The following TBC1D8 variants were observed in gnomAD, a reference collection of about 807,000 sequenced individuals.
The protein encoded by TBC1D8 is TBC1 domain family member 8, also known as BUB2-like protein 1.
TBC1D8 carries 65 observed loss-of-function variants against 118.8 expected under a neutral mutation model. The observed-to-expected ratio is 0.55, with a 90% CI of 0.45 to 0.67. TBC1D8 has a LOEUF of 0.67. TBC1D8 is among the 30% of genes least tolerant of loss of function. The probability of loss-of-function intolerance (pLI) is 0.00; values close to 1 mark genes in which losing one functional copy is unlikely to be tolerated. For missense variants in TBC1D8, 1,376 were observed against 1,471.2 expected (o/e 0.94, Z 1.06); for synonymous variants, 566 against 595.8 (o/e 0.95, Z 0.73).
At chr2:101,134,635 C>A (rs1678759480) in intron 1 of TBC1D8, among the ~76,000 whole-genome samples, 1 of 152,132 alleles carries the variant, frequency 6.6e-6, no homozygotes, top group South Asian at 2.1e-4. Context: ...GTGACTGTCC[C>A]TCTTCTTATA....
rs181203397 is a variant in TBC1D8, at chr2:101,099,295, C to A, written c.128-8931G>T. ...TAAATTTCTGGACGCATACCATCTA[C>A]CAAGACTAAACCAGGAAGAAGTCGA... On this transcript the variant is annotated intron_variant, in intron 1 of 19. Transcript: ENST00000409318. Among the ~76,000 whole-genome samples the A allele has an allele frequency of 6.6e-5, 10 of 152,280 alleles. No individual in the cohort carries two copies. In the East Asian group the frequency reaches 1.9e-3, roughly 29 times the overall value.
intron 1 of TBC1D8, among the ~76,000 whole-genome samples, chr2:101,141,080 T>A (rs1411201541): frequency 6.6e-6 from 1 of 152,104 alleles, no homozygotes; most frequent in Non-Finnish European, 1.5e-5. Context: ...GGATATTTAG[T>A]GTAGGCATTA....
At chr2:101,016,377 C>T (rs1679637841) in intron 17 of TBC1D8, among the ~76,000 whole-genome samples, 1 of 151,882 alleles carries the variant, frequency 6.6e-6, no homozygotes, top group African/African-American at 2.4e-5. Flanking sequence ...CAATGAGATA[C>T]CATCTCACAC....
chr2:101,022,868 C>T (rs1055360232), intron 15 of TBC1D8, among the ~76,000 whole-genome samples: 3 of 152,020 alleles, frequency 2.0e-5, no homozygotes, highest in African/African-American at 4.8e-5. Flanking sequence ...TTTGGCCAGG[C>T]GTGGTGGCTC....
chr2:101,079,330 C>T (rs896898451), intron 2 of TBC1D8, among the ~76,000 whole-genome samples: 2 of 152,156 alleles, frequency 1.3e-5, no homozygotes, highest in Admixed American at 1.3e-4. Context: ...CTATAAGACA[C>T]TAGAGAAAAG....
At chr2:101,100,955 C>T (rs1415346116) in intron 1 of TBC1D8, among the ~76,000 whole-genome samples, 1 of 152,094 alleles carries the variant, frequency 6.6e-6, no homozygotes, top group East Asian at 1.9e-4. Context: ...ACAAGAAAAC[C>T]TAGGCAATAC....
At chr2:101,066,520 ATAAC>A (rs932373493) in intron 2 of TBC1D8, among the ~76,000 whole-genome samples, 4 of 152,202 alleles carry the variant, frequency 2.6e-5, no homozygotes, top group Non-Finnish European at 5.9e-5. Flanking sequence ...CACAGCAAAA[ATAAC>A]TAATTAAATA....
At chr2:101,129,479 T>G (rs1678492365) in intron 1 of TBC1D8, among the ~76,000 whole-genome samples, 1 of 151,834 alleles carries the variant, frequency 6.6e-6, no homozygotes, top group Non-Finnish European at 1.5e-5. Context: ...ACTTAAACCA[T>G]TAAACAAACA....
At chr2:101,021,430 C>T (rs1028501265) in intron 17 of TBC1D8, among the ~76,000 whole-genome samples, 1 of 152,134 alleles carries the variant, frequency 6.6e-6, no homozygotes, top group African/African-American at 2.4e-5. Context: ...TGTTGGAAAC[C>T]AGGGTGGGGG....
At chr2:101,107,206 G>A (rs1677278910) in intron 1 of TBC1D8, among the ~76,000 whole-genome samples, 1 of 152,210 alleles carries the variant, frequency 6.6e-6, no homozygotes, top group Non-Finnish European at 1.5e-5. Flanking sequence ...ACTAGAGTCA[G>A]AGACAGGTGT....
chr2:101,067,015 T>C (rs1029357446), intron 2 of TBC1D8, among the ~76,000 whole-genome samples: 1 of 151,534 alleles, frequency 6.6e-6, no homozygotes, highest in Non-Finnish European at 1.5e-5. Flanking sequence ...AGTGTGCGAT[T>C]GCATTATTAC....
In TBC1D8 at chr2:101,021,713, A is replaced by C; in HGVS notation, c.2795T>G (p.Ile932Ser). 1 of 1,599,440 alleles carries C rather than the reference A, an allele frequency of 6.3e-7. No homozygotes were observed. The highest frequency in any genetic ancestry group is 8.5e-7 in the Non-Finnish European group (1 of 1,170,832). The change falls in exon 17 of 20, where the codon ATT becomes AGT. Residue 932 changes from isoleucine to serine, a missense_variant. Physicochemically the swap from Ile to Ser is moderately radical, Grantham distance 142 (BLOSUM62 -2). Coordinates refer to ENST00000409318, the MANE Select transcript of TBC1D8 (RefSeq NM_001330348.2). ...GATATGAAGCCTGTATAATAGTTTA[A>C]TCTTCTCATTCATTTCTCCATTATA... is the stretch of plus-strand genomic sequence containing the variant. Reference protein sequence around the residue: ...IMYNGEMNEKIKLLYRLHIPP... With the variant: ...IMYNGEMNEKSKLLYRLHIPP...
intron 17 of TBC1D8, among the ~76,000 whole-genome samples, chr2:101,019,938 G>T (rs888076038): frequency 6.6e-6 from 1 of 152,048 alleles, no homozygotes; most frequent in African/African-American, 2.4e-5. Context: ...TGGGCATGGT[G>T]GTGGGCGCCT....
intron 1 of TBC1D8, among the ~76,000 whole-genome samples, chr2:101,104,625 T>G (rs902825958): frequency 5.3e-5 from 8 of 152,230 alleles, no homozygotes; most frequent in Non-Finnish European, 1.2e-4. Flanking sequence ...GACATCCGTA[T>G]GCAAAGAAAT....
intron 2 of TBC1D8, among the ~76,000 whole-genome samples, chr2:101,062,397 C>G (rs1282112723): frequency 6.6e-6 from 1 of 151,866 alleles, no homozygotes; most frequent in African/African-American, 2.4e-5. Context: ...CTCATTGATC[C>G]AGAAGAAGAG....
At position 101,048,491 on chromosome 2, in the gene TBC1D8, C is replaced by G. The variant is rs190395998; in HGVS notation, c.872+1910G>C. Among the ~76,000 whole-genome samples the G allele has an allele frequency of 8.0e-4, 122 of 152,248 alleles. 2 individuals are homozygous for G. The highest frequency in any genetic ancestry group is 2.8e-3 in the African/African-American group (115 of 41,550). On this transcript the variant is annotated intron_variant, in intron 5 of 19. Coordinates refer to ENST00000409318, the MANE Select transcript of TBC1D8 (RefSeq NM_001330348.2). ...TCAGATTATCAGAGGTGGCACAAGA[C>G]CATGTGAAATTCCTTGGAATCTTAA...
At chr2:101,130,613 G>A (rs1045670526) in intron 1 of TBC1D8, among the ~76,000 whole-genome samples, 1 of 152,212 alleles carries the variant, frequency 6.6e-6, no homozygotes, top group Non-Finnish European at 1.5e-5. Context: ...AGTGAAAACA[G>A]CACTAACTGT....
At chr2:101,074,222 C>T (rs1275542615) in intron 2 of TBC1D8, among the ~76,000 whole-genome samples, 2 of 152,168 alleles carry the variant, frequency 1.3e-5, no homozygotes, top group African/African-American at 4.8e-5. Flanking sequence ...GGATGCCCAA[C>T]AAGAAGGTGG....
chr2:101,054,737 C>T (rs1335196583), intron 3 of TBC1D8, among the ~76,000 whole-genome samples: 11 of 125,948 alleles, frequency 8.7e-5, no homozygotes, highest in African/African-American at 3.3e-4. Context: ...GGCTGGAGTG[C>T]AGTGGCACGA....
Sources: gnomAD v4.1 joint callset for allele counts (sites outside exome capture counted in the v4.1 genomes callset) on GRCh38, gnomAD v4.1.1 for gene constraint, MANE v1.5 for transcripts, NCBI Gene and HGNC (gene_info 2026-07-23, HGNC 2026-07-21) for gene names.